Variants in ATRNL1 observed in about 807,000 individuals in gnomAD.
The protein encoded by ATRNL1 is attractin-like protein 1.
In ATRNL1, 95 loss-of-function variants were observed where a neutral mutation model predicts 182.7. The ratio of observed to expected loss-of-function variants is 0.52; its 90% CI spans 0.44 to 0.62. The LOEUF (loss-of-function observed/expected upper bound fraction) is 0.62, where lower values mean the gene tolerates loss of function less well. ATRNL1 is among the 20% of genes least tolerant of loss of function. ATRNL1 has a pLI of 0.00. For missense variants in ATRNL1, 1,471 were observed against 1,679.5 expected, an observed-to-expected ratio of 0.88 and a Z score of 2.17; for synonymous variants, 576 against 568.3, an observed-to-expected ratio of 1.01 and a Z score of -0.19.
At chr10:115,348,112 G>A (rs1296069359) in intron 19 of ATRNL1, among the ~76,000 whole-genome samples, 2 of 151,984 alleles carry the variant, frequency 1.3e-5, no homozygotes, top group Non-Finnish European at 2.9e-5. Context: ...TAGCTGGGAC[G>A]ACAGGCACGC....
intron 5 of ATRNL1, among the ~76,000 whole-genome samples, chr10:115,132,176 C>T (rs1441845922): frequency 2.7e-5 from 4 of 147,726 alleles, no homozygotes; most frequent in South Asian, 2.1e-4. Flanking sequence ...TGAGAACACG[C>T]GGTGTTTGGT....
chr10:115,789,715 T>C (rs1366291849), intron 27 of ATRNL1, among the ~76,000 whole-genome samples: 1 of 152,240 alleles, frequency 6.6e-6, no homozygotes, highest in Non-Finnish European at 1.5e-5. Context: ...TGCCTAGTCT[T>C]AGTCATTTAC....
chr10:115,467,279 T>G (rs782526842), intron 23 of ATRNL1, 27 bp downstream of exon 23: 30 of 1,492,410 alleles, frequency 2.0e-5, no homozygotes, highest in Non-Finnish European at 2.7e-5. Context: ...GTCATATCTC[T>G]TTTACATGTG....
chr10:115,587,108 C>A (rs1248301349), intron 26 of ATRNL1, among the ~76,000 whole-genome samples: 1 of 149,116 alleles, frequency 6.7e-6, no homozygotes, highest in Non-Finnish European at 1.5e-5. Context: ...GCAGTCTGCC[C>A]GTTCTCAGAT....
At chr10:115,313,321 T>C (rs1304960430) in intron 17 of ATRNL1, among the ~76,000 whole-genome samples, 5 of 152,130 alleles carry the variant, frequency 3.3e-5, no homozygotes, top group African/African-American at 9.6e-5. Context: ...TTTTTTCCCC[T>C]TGAGAATGTG....
intron 27 of ATRNL1, among the ~76,000 whole-genome samples, chr10:115,755,493 C>G (rs1349081716): frequency 2.0e-5 from 3 of 152,168 alleles, no homozygotes; most frequent in African/African-American, 4.8e-5. Flanking sequence ...GTATGTTGAA[C>G]TAGCCTTGCA....
At chr10:115,165,403 A>G (rs1554884123) in intron 6 of ATRNL1, among the ~76,000 whole-genome samples, 155 bp from the exon 7 acceptor site, 1 of 152,000 alleles carries the variant, frequency 6.6e-6, no homozygotes, top group African/African-American at 2.4e-5. Context: ...TTTATTAGAA[A>G]TTTCTAATAT....
chr10:115,640,996 C>T (rs1859206390), intron 26 of ATRNL1, among the ~76,000 whole-genome samples: 1 of 152,078 alleles, frequency 6.6e-6, no homozygotes, highest in Non-Finnish European at 1.5e-5. Flanking sequence ...ATATGGCTAG[C>T]CAGTTTTCCC....
intron 27 of ATRNL1, among the ~76,000 whole-genome samples, chr10:115,844,650 T>A (rs1950887880): frequency 6.6e-6 from 1 of 152,066 alleles, no homozygotes; most frequent in South Asian, 2.1e-4. Flanking sequence ...TTTTTAAAAG[T>A]GCTGTGGGCC....
intron 10 of ATRNL1, among the ~76,000 whole-genome samples, chr10:115,249,856 A>G (rs1265928147): frequency 6.6e-6 from 1 of 152,212 alleles, no homozygotes; most frequent in African/African-American, 2.4e-5. Context: ...CTCCAGAAAT[A>G]TATTTTCTTC....
intron 6 of ATRNL1, among the ~76,000 whole-genome samples, chr10:115,161,829 A>C (rs1421378990): frequency 6.6e-6 from 1 of 152,074 alleles, no homozygotes; most frequent in African/African-American, 2.4e-5. Flanking sequence ...GTTCAATTGT[A>C]GGTAAGGATA....
intron 27 of ATRNL1, among the ~76,000 whole-genome samples, chr10:115,740,077 G>A (rs2960651): frequency 0.97 from 148,249 of 152,250 alleles, 72,292 homozygotes; most frequent in Middle Eastern, 1. Flanking sequence ...GATATTTTAT[G>A]TGTAGAATCT....
intron 19 of ATRNL1, among the ~76,000 whole-genome samples, chr10:115,351,742 GTGTTT>G (rs61367511): frequency 9.7e-4 from 146 of 149,860 alleles, no homozygotes; most frequent in Middle Eastern, 3.4e-3. Flanking sequence ...TTCTTTTCTT[GTGTTT>G]TGTTTTGTTT....
chr10:115,453,287 T>C (rs1554968025), intron 21 of ATRNL1, among the ~76,000 whole-genome samples: 1 of 152,138 alleles, frequency 6.6e-6, no homozygotes, highest in Non-Finnish European at 1.5e-5. Context: ...TTTTTCATAA[T>C]GGCAGCACCA....
chr10:115,584,079 C>T (rs1280771166), intron 26 of ATRNL1, among the ~76,000 whole-genome samples: 2 of 151,872 alleles, frequency 1.3e-5, no homozygotes, highest in Non-Finnish European at 2.9e-5. Context: ...ATTCAACCAG[C>T]CTTGCATCCC....
chr10:115,634,193 C>A (rs1449815851), intron 26 of ATRNL1, among the ~76,000 whole-genome samples: 2 of 152,094 alleles, frequency 1.3e-5, no homozygotes, highest in Non-Finnish European at 2.9e-5. Flanking sequence ...TTGATATATA[C>A]AATCTACCGT....
intron 19 of ATRNL1, among the ~76,000 whole-genome samples, chr10:115,380,480 C>G (rs1018536651): frequency 6.6e-6 from 1 of 152,090 alleles, no homozygotes; most frequent in African/African-American, 2.4e-5. Context: ...TCATCACCCC[C>G]CTCTAAAAAG....
chr10:115,502,442 C>G (rs975903484), intron 24 of ATRNL1, among the ~76,000 whole-genome samples: 1 of 151,948 alleles, frequency 6.6e-6, no homozygotes, highest in Non-Finnish European at 1.5e-5. Flanking sequence ...AGTGATAACT[C>G]AAGGATTTTT....
At chr10:115,175,624 T>A (rs1197617649) in intron 8 of ATRNL1, among the ~76,000 whole-genome samples, 2 of 152,072 alleles carry the variant, frequency 1.3e-5, no homozygotes, top group African/African-American at 2.4e-5. Context: ...TTTATAAGAA[T>A]AATAGATAAA....
Sources: allele counts gnomAD v4.1 joint callset (sites outside exome capture counted in the v4.1 genomes callset), GRCh38; gene constraint gnomAD v4.1.1; transcripts MANE v1.5; gene names NCBI Gene and HGNC (gene_info 2026-07-23, HGNC 2026-07-21).